BMPER: variants seen among roughly 807,000 people sequenced by gnomAD.
BMPER encodes the protein BMP-binding endothelial regulator protein.
Under a neutral mutation model 87.3 loss-of-function variants are expected in BMPER, and 45 were observed. That is an observed-to-expected ratio of 0.52 (90% CI 0.41 to 0.66). BMPER has a LOEUF of 0.66. BMPER is among the 30% of genes least tolerant of loss of function. The pLI, the probability that BMPER is intolerant of heterozygous loss-of-function variation, is 0.00. For missense variants in BMPER, 784 were observed against 867.5 expected (o/e 0.90, Z 1.21); for synonymous variants, 326 against 316.2 (o/e 1.03, Z -0.33).
chr7:34,076,170 T>C (rs1000655297), intron 11 of BMPER, among the ~76,000 whole-genome samples: 2 of 152,150 alleles, frequency 1.3e-5, no homozygotes, highest in African/African-American at 4.8e-5. Context: ...CTCCATTGCT[T>C]CCCGCCCAGC....
At position 34,008,755 on chromosome 7, in the gene BMPER, G is replaced by T. The variant is rs140549336; in HGVS notation, c.576+33971G>T. ...CCCAATGTTTCTCTATCATGCACGG[G>T]ACTGGCTTGGAGTTCATATAGATAG... On this transcript the variant is annotated intron_variant, in intron 6 of 14. Transcript: ENST00000649409. Among the ~76,000 whole-genome samples, 33 of 152,014 alleles carry T rather than the reference G, an allele frequency of 2.2e-4. No homozygotes were observed. In the East Asian group the frequency reaches 6.4e-3, roughly 30 times the overall value.
intron 6 of BMPER, among the ~76,000 whole-genome samples, chr7:33,996,827 A>C (rs1021568309): frequency 1.3e-5 from 2 of 152,260 alleles, no homozygotes; most frequent in Non-Finnish European, 2.9e-5. Flanking sequence ...ACATGTAATC[A>C]TTATAAAAAT....
chr7:34,076,410 G>A (rs1474226835), intron 11 of BMPER, among the ~76,000 whole-genome samples: 1 of 152,124 alleles, frequency 6.6e-6, no homozygotes, highest in African/African-American at 2.4e-5. Context: ...CAATTTTGGG[G>A]TGTGTATGTT....
intron 5 of BMPER, among the ~76,000 whole-genome samples, chr7:33,974,485 G>A (rs1017851252): frequency 2.0e-5 from 3 of 152,098 alleles, no homozygotes; most frequent in African/African-American, 7.2e-5. Context: ...GGGTTCCACT[G>A]TCTTATTTGT....
chr7:33,958,665 GT>G (rs1370443827), intron 3 of BMPER, among the ~76,000 whole-genome samples: 1 of 152,222 alleles, frequency 6.6e-6, no homozygotes, highest in Non-Finnish European at 1.5e-5. Context: ...GGCTTTTAGA[GT>G]AAGGCAGAAG....
intron 14 of BMPER, among the ~76,000 whole-genome samples, chr7:34,151,033 G>T (rs1191860933): frequency 6.6e-6 from 1 of 152,162 alleles, no homozygotes; most frequent in Non-Finnish European, 1.5e-5. Context: ...TGAGAAGAAT[G>T]GAAGATGGGG....
intron 7 of BMPER, 129 bp from the exon 8 acceptor site, chr7:34,051,732 T>C: frequency 1.3e-6 from 1 of 795,344 alleles, no homozygotes; most frequent in Admixed American, 2.0e-5. Context: ...GACCCAAGAC[T>C]CTATTTTTGT....
chr7:34,150,640 T>C (rs1390744091), intron 14 of BMPER, among the ~76,000 whole-genome samples: 2 of 152,128 alleles, frequency 1.3e-5, no homozygotes, highest in African/African-American at 4.8e-5. Flanking sequence ...TTTGAAAGGA[T>C]CAGTGAAAAG....
chr7:34,006,594 A>G (rs118088294), intron 6 of BMPER, among the ~76,000 whole-genome samples: 3,846 of 152,164 alleles, frequency 0.025, 68 homozygotes, highest in Non-Finnish European at 0.043. Flanking sequence ...CAGGAGCAGG[A>G]GGTGCTTTTT....
intron 3 of BMPER, among the ~76,000 whole-genome samples, chr7:33,950,698 C>T (rs1293647625): frequency 1.3e-5 from 2 of 152,136 alleles, no homozygotes; most frequent in Admixed American, 6.5e-5. Flanking sequence ...TGCACAATTT[C>T]TGGTCACAGC....
rs1254101145 is a variant in BMPER, at chr7:34,018,496, A to G, written c.577-27810A>G. On this transcript the variant is annotated intron_variant, in intron 6 of 14. Transcript: ENST00000649409. The stretch of plus-strand genomic sequence containing the variant: ...AAAGCTGTGCATGAATCTTATCGTC[A>G]CCTTCAAAAGGGCCTGGCAAAATTC... Among the ~76,000 whole-genome samples the G allele has an allele frequency of 2.0e-5, 3 of 151,930 alleles. No individual in the cohort carries two copies. The East Asian group carries it at 5.8e-4, about 30-fold the overall frequency.
chr7:34,009,560 A>G (rs1786824694), intron 6 of BMPER, among the ~76,000 whole-genome samples: 1 of 151,978 alleles, frequency 6.6e-6, no homozygotes, highest in South Asian at 2.1e-4. Context: ...TACACATATA[A>G]TAAAAACTAA....
chr7:34,073,991 G>A (rs191995423), intron 11 of BMPER, among the ~76,000 whole-genome samples: 19 of 152,358 alleles, frequency 1.2e-4, no homozygotes, highest in African/African-American at 4.1e-4. Flanking sequence ...CAGAGGCCTG[G>A]ATGGTAGCAC....
chr7:34,089,628 C>T (rs1301637125), intron 13 of BMPER, among the ~76,000 whole-genome samples: 3 of 152,010 alleles, frequency 2.0e-5, no homozygotes, highest in Non-Finnish European at 2.9e-5. Flanking sequence ...GGATTATAGG[C>T]GCCCACCACC....
intron 3 of BMPER, among the ~76,000 whole-genome samples, chr7:33,941,167 T>C (rs1585659763): frequency 7.3e-6 from 1 of 136,376 alleles, no homozygotes; most frequent in South Asian, 2.2e-4. Flanking sequence ...TTATATATTA[T>C]ATATTTATAT....
chr7:33,993,260 A>C (rs900381413), intron 6 of BMPER, among the ~76,000 whole-genome samples: 3 of 151,708 alleles, frequency 2.0e-5, no homozygotes, highest in Middle Eastern at 3.4e-3. Context: ...TACACCAATC[A>C]GACATAGATT....
chr7:34,016,009 T>TGAGA (rs369910321), intron 6 of BMPER, among the ~76,000 whole-genome samples: 8 of 142,674 alleles, frequency 5.6e-5, no homozygotes, highest in South Asian at 2.3e-4. Flanking sequence ...AGAGAGAGAG[T>TGAGA]GAGAGAGAGA....
Position 34,074,352 on chromosome 7 carries a change from A to C in BMPER, c.1079-4505A>C, listed in dbSNP as rs76168259. 8.2e-3 allele frequency among the ~76,000 whole-genome samples: 1,245 copies of C among 152,278 alleles called. 23 individuals carry two copies. Among genetic ancestry groups the C allele is most frequent in the African/African-American group, 0.029 (1,193 of 41,558 alleles). ...ACCCTTAGGTCCCTTTTGGGCCAAT[A>C]GCTGTCAGTGACATTCTGTGCAAGA... On this transcript the variant is annotated intron_variant, in intron 11 of 14. Transcript: ENST00000649409.
intron 13 of BMPER, among the ~76,000 whole-genome samples, chr7:34,098,624 A>C (rs905812530): frequency 5.3e-5 from 8 of 152,198 alleles, no homozygotes; most frequent in African/African-American, 1.7e-4. Flanking sequence ...TATCCCCAGC[A>C]AATGGCCCAT....
Sources: allele counts gnomAD v4.1 joint callset (sites outside exome capture counted in the v4.1 genomes callset), GRCh38; gene constraint gnomAD v4.1.1; transcripts MANE v1.5; gene names NCBI Gene and HGNC (gene_info 2026-07-23, HGNC 2026-07-21).